STK39: variants seen among roughly 807,000 people sequenced by gnomAD.
STK39 encodes STE20/SPS1-related proline-alanine-rich protein kinase.
Under a neutral mutation model 77.8 loss-of-function variants are expected in STK39, and 20 were observed. The observed-to-expected ratio is 0.26, with a 90% CI of 0.18 to 0.37. The LOEUF (loss-of-function observed/expected upper bound fraction) is 0.37, where lower values mean the gene tolerates loss of function less well. STK39 is among the 10% of genes least tolerant of loss of function. The pLI, the probability that STK39 is intolerant of heterozygous loss-of-function variation, is 1.00. For synonymous variants in STK39, 246 were observed against 234.1 expected, an observed-to-expected ratio of 1.05 and a Z score of -0.47; for missense variants, 479 against 656.5, an observed-to-expected ratio of 0.73 and a Z score of 2.95.
intron 16 of STK39, among the ~76,000 whole-genome samples, chr2:167,985,254 A>G (rs1683527999): frequency 6.6e-6 from 1 of 152,232 alleles, no homozygotes; most frequent in Admixed American, 6.5e-5. Flanking sequence ...GTAATGAAGA[A>G]GGAAGAGTTA....
intron 2 of STK39, among the ~76,000 whole-genome samples, chr2:168,168,685 T>C (rs143919474): frequency 2.6e-4 from 40 of 152,320 alleles, no homozygotes; most frequent in Admixed American, 9.8e-4. Context: ...TTCCTTAACA[T>C]ATATGTTTAT....
intron 14 of STK39, among the ~76,000 whole-genome samples, chr2:168,061,931 G>A (rs190068179): frequency 6.6e-6 from 1 of 152,242 alleles, no homozygotes; most frequent in African/African-American, 2.4e-5. Flanking sequence ...CACTAAGGGG[G>A]AGAATTACAG....
At position 168,004,219 on chromosome 2, in the gene STK39, G is replaced by A. The variant is rs1286554212; in HGVS notation, c.1498+8415C>T. Among the ~76,000 whole-genome samples the A allele has an allele frequency of 1.3e-5, 2 of 152,008 alleles. 1 individual carries two copies. Among genetic ancestry groups the A allele is most frequent in the South Asian group, 4.2e-4 (2 of 4,814 alleles). ...AATCAAAACTGTAACTACTCATTTT[G>A]GTAAAAATTTATACCAATGCCATAT... On this transcript the variant is annotated intron_variant, in intron 16 of 17. Coordinates refer to ENST00000355999, the MANE Select transcript of STK39 (RefSeq NM_013233.3).
At chr2:168,193,721 T>A (rs1689398103) in intron 1 of STK39, among the ~76,000 whole-genome samples, 1 of 152,226 alleles carries the variant, frequency 6.6e-6, no homozygotes, top group Admixed American at 6.5e-5. Flanking sequence ...TTGAAAGATG[T>A]GGAGACAACA....
chr2:168,141,967 C>G (rs1220843678), intron 5 of STK39, among the ~76,000 whole-genome samples: 1 of 152,166 alleles, frequency 6.6e-6, no homozygotes, highest in African/African-American at 2.4e-5. Flanking sequence ...TAAATTTACT[C>G]ATACTCCCAA....
At chr2:168,104,223 C>T (rs916892949) in intron 10 of STK39, among the ~76,000 whole-genome samples, 1 of 152,112 alleles carries the variant, frequency 6.6e-6, no homozygotes, top group South Asian at 2.1e-4. Flanking sequence ...GGAAGGTTTA[C>T]ATATCTGAGC....
At chr2:168,210,078 G>A (rs1265079501) in intron 1 of STK39, among the ~76,000 whole-genome samples, 16 of 135,322 alleles carry the variant, frequency 1.2e-4, no homozygotes, top group East Asian at 4.3e-4. Context: ...AGGAAGGAAG[G>A]AAGAAAGAAA....
chr2:167,993,821 C>T (rs925677766), intron 16 of STK39, among the ~76,000 whole-genome samples: 2 of 151,828 alleles, frequency 1.3e-5, no homozygotes, highest in African/African-American at 4.9e-5. Context: ...TTCTGGTAGG[C>T]ATTGACTGCA....
At chr2:168,158,516 G>A (rs1688491815) in intron 5 of STK39, among the ~76,000 whole-genome samples, 3 of 152,198 alleles carry the variant, frequency 2.0e-5, no homozygotes, top group African/African-American at 7.2e-5. Flanking sequence ...TTTATGCAGA[G>A]ACACAGAAGA....
chr2:168,177,986 C>T (rs542295757), intron 2 of STK39, among the ~76,000 whole-genome samples: 15 of 152,200 alleles, frequency 9.9e-5, no homozygotes, highest in Non-Finnish European at 1.5e-4. Context: ...AATGAAGAGA[C>T]TCATTCACTA....
chr2:167,960,677 G>A (rs1359271058), intron 17 of STK39, among the ~76,000 whole-genome samples: 1 of 152,144 alleles, frequency 6.6e-6, no homozygotes, highest in Admixed American at 6.5e-5. Context: ...CCCCATGGAG[G>A]AGCTGAAGTT....
intron 16 of STK39, among the ~76,000 whole-genome samples, chr2:168,007,201 C>T (rs1026062600): frequency 6.6e-6 from 1 of 152,176 alleles, no homozygotes; most frequent in African/African-American, 2.4e-5. Context: ...ATAAACTGGA[C>T]TCTTTCTTTA....
intron 14 of STK39, among the ~76,000 whole-genome samples, chr2:168,025,567 A>C (rs1051451812): frequency 6.6e-6 from 1 of 152,240 alleles, no homozygotes; most frequent in African/African-American, 2.4e-5. Flanking sequence ...ACACGTATAC[A>C]TGGCTTTTGC....
intron 1 of STK39, among the ~76,000 whole-genome samples, chr2:168,195,156 T>C (rs1485388453): frequency 6.6e-6 from 1 of 152,244 alleles, no homozygotes; most frequent in Non-Finnish European, 1.5e-5. Flanking sequence ...GTCAAGTTTT[T>C]GTAACTAACG....
intron 1 of STK39, among the ~76,000 whole-genome samples, chr2:168,204,755 G>A (rs1045194607): frequency 1.3e-5 from 2 of 152,158 alleles, no homozygotes; most frequent in Admixed American, 6.5e-5. Flanking sequence ...GGAGATGATC[G>A]TTTTTAATGG....
rs148677309 is a variant in STK39 at position 168,130,310 on chromosome 2, A to G, written c.975-552T>C. Among the ~76,000 whole-genome samples, 488 of 152,364 alleles carry G rather than the reference A, an allele frequency of 3.2e-3. 3 individuals carry two copies. The highest frequency in any genetic ancestry group is 0.011 in the African/African-American group (459 of 41,588). On this transcript the variant is annotated intron_variant, in intron 8 of 17. Coordinates refer to ENST00000355999, the MANE Select transcript of STK39 (RefSeq NM_013233.3). The stretch of plus-strand genomic sequence containing the variant: ...TGATTAATAAAATGCAAATTCATTT[A>G]GAAGCATTACCAGATGGTGTGATTA...
chr2:168,136,786 T>C (rs1476573143), intron 8 of STK39, among the ~76,000 whole-genome samples: 2 of 152,156 alleles, frequency 1.3e-5, no homozygotes, highest in Non-Finnish European at 2.9e-5. Context: ...TTCACCCAAA[T>C]GGAGGTTGAA....
In STK39 at chr2:168,123,779, G is replaced by T. The variant is rs532808979; in HGVS notation, c.1089+5762C>A. ...AGCTACTCAGGAGGCTGAGGCAGGA[G>T]AATCGCTTGAACCTGGGAAGCGGAG... On this transcript the variant is annotated intron_variant, in intron 10 of 17. Coordinates refer to ENST00000355999, the MANE Select transcript of STK39 (RefSeq NM_013233.3). 1.8e-4 allele frequency among the ~76,000 whole-genome samples: 27 copies of T among 149,558 alleles called. 1 individual carries two copies. The highest frequency in any genetic ancestry group is 4.1e-4 in the Admixed American group (6 of 14,672).
chr2:168,025,443 T>A (rs1200427661), intron 14 of STK39, among the ~76,000 whole-genome samples: 1 of 152,164 alleles, frequency 6.6e-6, no homozygotes, highest in Non-Finnish European at 1.5e-5. Flanking sequence ...TCTCGTATCA[T>A]CCGTTTCTCT....
Sources: gnomAD v4.1 joint callset for allele counts (sites outside exome capture counted in the v4.1 genomes callset) on GRCh38, gnomAD v4.1.1 for gene constraint, MANE v1.5 for transcripts, NCBI Gene and HGNC (gene_info 2026-07-23, HGNC 2026-07-21) for gene names.